SPAG16: variants seen among roughly 807,000 people sequenced by gnomAD.
The protein encoded by SPAG16 is sperm associated antigen 16.
In SPAG16, 86 loss-of-function variants were observed where a neutral mutation model predicts 80.4. The observed-to-expected ratio is 1.07, with a 90% CI of 0.90 to 1.28. The LOEUF is 1.28. SPAG16 is among the 50% of genes most tolerant of loss of function. SPAG16 has a pLI of 0.00. For missense variants in SPAG16, 870 were observed against 765.3 expected, an observed-to-expected ratio of 1.14 and a Z score of -1.61; for synonymous variants, 294 against 265.9, an observed-to-expected ratio of 1.11 and a Z score of -1.03.
intron 14 of SPAG16, among the ~76,000 whole-genome samples, chr2:214,130,399 C>T (rs1210950190): frequency 2.6e-5 from 4 of 152,150 alleles, no homozygotes; most frequent in Non-Finnish European, 5.9e-5. Context: ...TTGAGAACCT[C>T]AGTCAGCCAT....
intron 15 of SPAG16, among the ~76,000 whole-genome samples, chr2:214,389,527 T>G (rs1700947656): frequency 6.6e-6 from 1 of 152,234 alleles, no homozygotes; most frequent in African/African-American, 2.4e-5. Context: ...TGTCAGAAGA[T>G]GTAGGAAATC....
At chr2:213,940,927 T>C (rs1450211969) in intron 12 of SPAG16, among the ~76,000 whole-genome samples, 2 of 152,180 alleles carry the variant, frequency 1.3e-5, no homozygotes, top group African/African-American at 4.8e-5. Flanking sequence ...CAACAAATTA[T>C]CTCTTCATTA....
chr2:213,730,155 G>GT lies in SPAG16; in HGVS notation c.1071-132327dup, dbSNP rs1341401811. Among the ~76,000 whole-genome samples, 15 of 152,152 alleles carry GT rather than the reference G, an allele frequency of 9.9e-5. 1 individual carries two copies. Among genetic ancestry groups the GT allele is most frequent in the Non-Finnish European group, 2.9e-5 (2 of 68,026 alleles). ...CTCGTCCACTTTGCAGATTTTAGCA[G>GT]TTTAACCATCAGAGGAATCCCATTT... On this transcript the variant is annotated intron_variant, in intron 10 of 15. Coordinates refer to ENST00000331683, the MANE Select transcript of SPAG16 (RefSeq NM_024532.5).
At chr2:213,975,775 C>T (rs1242322536) in intron 12 of SPAG16, among the ~76,000 whole-genome samples, 1 of 151,912 alleles carries the variant, frequency 6.6e-6, no homozygotes. Context: ...ATTGAAAACA[C>T]ACTGTGTTTA....
intron 10 of SPAG16, among the ~76,000 whole-genome samples, chr2:213,690,409 A>G (rs1260737517): frequency 1.3e-5 from 2 of 152,246 alleles, no homozygotes; most frequent in African/African-American, 4.8e-5. Flanking sequence ...GAAGGGCAAG[A>G]GAGAGACACT....
chr2:213,628,579 G>A (rs1044893074), intron 10 of SPAG16, among the ~76,000 whole-genome samples: 8 of 152,150 alleles, frequency 5.3e-5, no homozygotes, highest in Admixed American at 2.0e-4. Context: ...CAATGGACCC[G>A]TTTATTTTAC....
At chr2:213,678,554 A>G (rs552017127) in intron 10 of SPAG16, among the ~76,000 whole-genome samples, 4 of 152,312 alleles carry the variant, frequency 2.6e-5, no homozygotes, top group African/African-American at 7.2e-5. Context: ...CTTAACCACT[A>G]TCGGTACACC....
At chr2:213,699,235 T>A (rs2065295181) in intron 10 of SPAG16, among the ~76,000 whole-genome samples, 1 of 152,224 alleles carries the variant, frequency 6.6e-6, no homozygotes, top group African/African-American at 2.4e-5. Flanking sequence ...ATTTTTTCTG[T>A]TTTCCTTACG....
At chr2:214,148,817 T>A (rs1371199356) in intron 14 of SPAG16, among the ~76,000 whole-genome samples, 1 of 152,012 alleles carries the variant, frequency 6.6e-6, no homozygotes. Flanking sequence ...TTTGTTTTGT[T>A]ACATCTTCTA....
intron 15 of SPAG16, among the ~76,000 whole-genome samples, chr2:214,266,669 A>T (rs1430477775): frequency 6.6e-6 from 1 of 151,894 alleles, no homozygotes; most frequent in African/African-American, 2.4e-5. Context: ...TGTACTGACA[A>T]CATGATGTTA....
intron 10 of SPAG16, among the ~76,000 whole-genome samples, chr2:213,758,508 CAAG>C (rs1409369747): frequency 9.9e-5 from 15 of 151,638 alleles, no homozygotes; most frequent in Admixed American, 9.8e-4. Flanking sequence ...GGAAACCTCA[CAAG>C]AAGTTAAAAA....
chr2:213,355,943 GTGCCAGTTTTCAAAGGGAATGC>G (rs1391849257), intron 7 of SPAG16, among the ~76,000 whole-genome samples: 4 of 152,160 alleles, frequency 2.6e-5, no homozygotes, highest in Non-Finnish European at 4.4e-5. Context: ...TCGTTGTCTT[GTGCCAGTTTTCAAAGGGAATGC>G]TTCCAGTTTT....
chr2:213,681,415 A>G (rs1422364136), intron 10 of SPAG16, among the ~76,000 whole-genome samples: 1 of 152,140 alleles, frequency 6.6e-6, no homozygotes, highest in Admixed American at 6.6e-5. Flanking sequence ...AGTCCTCATA[A>G]TCTTGTATGT....
At chr2:213,711,390 G>A (rs2065978820) in intron 10 of SPAG16, among the ~76,000 whole-genome samples, 1 of 151,956 alleles carries the variant, frequency 6.6e-6, no homozygotes, top group Non-Finnish European at 1.5e-5. Context: ...GACGTTAAAA[G>A]TAAAGTAAAA....
Position 214,061,277 on chromosome 2 carries a change from G to A in SPAG16, c.1528-46919G>A, listed in dbSNP as rs1010574853. On this transcript the variant is annotated intron_variant, in intron 13 of 15. Coordinates refer to ENST00000331683, the MANE Select transcript of SPAG16 (RefSeq NM_024532.5). ...TGAGATATGGTGCTGGGAATTATGC[G>A]TGTTATAACCAGACAGATTGGAAAA... Among the ~76,000 whole-genome samples, 12 of 152,292 alleles carry A rather than the reference G, an allele frequency of 7.9e-5. 1 individual carries two copies. Among genetic ancestry groups the A allele is most frequent in the East Asian group, 3.9e-4 (2 of 5,182 alleles).
intron 14 of SPAG16, among the ~76,000 whole-genome samples, chr2:214,118,766 C>A (rs1363057159): frequency 2.0e-5 from 3 of 149,854 alleles, no homozygotes; most frequent in Admixed American, 6.8e-5. Context: ...CAAACCATAT[C>A]AATGTCCATA....
At chr2:214,386,338 A>G (rs1425737509) in intron 15 of SPAG16, among the ~76,000 whole-genome samples, 1 of 152,196 alleles carries the variant, frequency 6.6e-6, no homozygotes. Flanking sequence ...AGGTGATGTC[A>G]CAGTGAGCCA....
At chr2:214,353,170 CAAAAATCTGTGGA>C (rs1057327315) in intron 15 of SPAG16, among the ~76,000 whole-genome samples, 2 of 151,788 alleles carry the variant, frequency 1.3e-5, no homozygotes, top group African/African-American at 4.8e-5. Flanking sequence ...ATAAAATTCA[CAAAAATCTGTGGA>C]AAAAATGCAG....
At chr2:214,164,911 C>A (rs566014861) in intron 15 of SPAG16, among the ~76,000 whole-genome samples, 13 of 152,150 alleles carry the variant, frequency 8.5e-5, no homozygotes, top group Middle Eastern at 3.4e-3. Flanking sequence ...TTAATAATAT[C>A]ATGTAATGAA....
Sources: gnomAD v4.1 joint callset for allele counts (sites outside exome capture counted in the v4.1 genomes callset) on GRCh38, gnomAD v4.1.1 for gene constraint, MANE v1.5 for transcripts, NCBI Gene and HGNC (gene_info 2026-07-23, HGNC 2026-07-21) for gene names.